C8orf34: variants seen among roughly 807,000 people sequenced by gnomAD.
C8orf34 encodes uncharacterized protein C8orf34.
Under a neutral mutation model 68.3 loss-of-function variants are expected in C8orf34, and 65 were observed. The ratio of observed to expected loss-of-function variants is 0.95; its 90% confidence interval spans 0.78 to 1.17. The LOEUF (loss-of-function observed/expected upper bound fraction) is 1.17. Among genes scored for constraint, C8orf34 ranks in the 50% most tolerant of loss-of-function variants. The probability of loss-of-function intolerance (pLI) is 0.00; values close to 1 mark genes in which losing one functional copy is unlikely to be tolerated. For missense variants in C8orf34, 664 were observed against 655.4 expected (o/e 1.01, Z -0.14); for synonymous variants, 244 against 241.2 (o/e 1.01, Z -0.11).
chr8:68,750,891 G>A (rs1822685873), intron 10 of C8orf34, among the ~76,000 whole-genome samples: 1 of 152,034 alleles, frequency 6.6e-6, no homozygotes, highest in African/African-American at 2.4e-5. Context: ...TTTAAGACTA[G>A]GAAACACAAG....
chr8:68,599,260 T>C (rs1420011065), intron 7 of C8orf34, among the ~76,000 whole-genome samples: 2 of 152,092 alleles, frequency 1.3e-5, no homozygotes, highest in African/African-American at 4.8e-5. Flanking sequence ...ATCATGCTTA[T>C]GAATTTGATA....
At chr8:68,423,319 T>C (rs956738123) in intron 1 of C8orf34, among the ~76,000 whole-genome samples, 2 of 152,152 alleles carry the variant, frequency 1.3e-5, no homozygotes, top group South Asian at 4.1e-4. Flanking sequence ...AGTTCAGAGT[T>C]CCACAGACCT....
intron 7 of C8orf34, among the ~76,000 whole-genome samples, chr8:68,575,550 A>G (rs1816877329): frequency 6.6e-6 from 1 of 152,124 alleles, no homozygotes; most frequent in Non-Finnish European, 1.5e-5. Context: ...CTTGATTTTC[A>G]TCTTCTAAAA....
chr8:68,398,948 T>C (rs1808834812), intron 1 of C8orf34, among the ~76,000 whole-genome samples: 1 of 151,966 alleles, frequency 6.6e-6, no homozygotes, highest in African/African-American at 2.4e-5. Flanking sequence ...TCTCAGAGGG[T>C]CTCCTTCTTG....
chr8:68,397,020 T>C (rs937682665), intron 1 of C8orf34, among the ~76,000 whole-genome samples: 27 of 152,264 alleles, frequency 1.8e-4, no homozygotes, highest in Admixed American at 1.6e-3. Context: ...ATTTTCTTTT[T>C]TTTTGAGGTA....
At position 68,589,066 on chromosome 8, in the gene C8orf34, A is replaced by T. The variant is rs75868646; in HGVS notation, c.1106-51310A>T. Among the ~76,000 whole-genome samples the T allele has an allele frequency of 3.1e-4, 47 of 152,292 alleles. 1 individual carries two copies. The East Asian group carries it at 9.1e-3, about 29-fold the overall frequency. On this transcript the variant is annotated intron_variant, in intron 7 of 13. Transcript: ENST00000518698. The stretch of plus-strand genomic sequence containing the variant: ...ATTTGCTCACCCTTGGACTAGGCTA[A>T]TTCCCAAGGCTATGAACAGCAAACG...
chr8:68,550,254 C>G lies in C8orf34; in HGVS notation c.1105+17105C>G, dbSNP rs139856581. ...CTCCCTTCTTAGTATATCTGTCATACTTCTTACTTTTTTTAGTGGTTGCTA... is the reference window on the plus strand; with the variant it reads ...CTCCCTTCTTAGTATATCTGTCATAGTTCTTACTTTTTTTAGTGGTTGCTA... On this transcript the variant is annotated intron_variant, in intron 7 of 13. Coordinates refer to ENST00000518698, the MANE Select transcript of C8orf34 (RefSeq NM_052958.4). Among the ~76,000 whole-genome samples, 1,389 of 151,664 alleles carry G rather than the reference C, an allele frequency of 9.2e-3. 28 individuals are homozygous for G. The highest frequency in any genetic ancestry group is 0.033 in the African/African-American group (1,348 of 41,444).
At chr8:68,755,155 C>T (rs1422411738) in intron 10 of C8orf34, among the ~76,000 whole-genome samples, 4 of 152,084 alleles carry the variant, frequency 2.6e-5, no homozygotes, top group African/African-American at 9.7e-5. Context: ...TTGTACTAAG[C>T]ATGTATAAGA....
rs139845866 is a variant in C8orf34 at position 68,459,220 on chromosome 8, T to C, written c.608-9472T>C. On this transcript the variant is annotated intron_variant, in intron 3 of 13. Coordinates refer to ENST00000518698, the MANE Select transcript of C8orf34 (RefSeq NM_052958.4). Reference sequence around the variant, plus strand: ...AGAGAAAAGGGAACTCAGGGAACTCTTTCATTTTCTTTTTTTCTTTTTTTT... The same window carrying C: ...AGAGAAAAGGGAACTCAGGGAACTCCTTCATTTTCTTTTTTTCTTTTTTTT... Among the ~76,000 whole-genome samples, 9 of 152,198 alleles carry C rather than the reference T, an allele frequency of 5.9e-5. No individual in the cohort carries two copies. In the East Asian group the frequency reaches 1.7e-3, roughly 29 times the overall value.
At chr8:68,803,208 T>C (rs1453673990) in intron 12 of C8orf34, among the ~76,000 whole-genome samples, 1 of 152,070 alleles carries the variant, frequency 6.6e-6, no homozygotes, top group African/African-American at 2.4e-5. Flanking sequence ...GAAAAACTTT[T>C]TGCCAAATAA....
chr8:68,815,799 A>G, intron 12 of C8orf34, 87 bp from the exon 13 acceptor site: 4 of 1,607,462 alleles, frequency 2.5e-6, no homozygotes, highest in Non-Finnish European at 3.4e-6. Flanking sequence ...AATCTTCACT[A>G]GAAATTGGCT....
intron 7 of C8orf34, among the ~76,000 whole-genome samples, chr8:68,544,407 C>T (rs1468786893): frequency 6.6e-6 from 1 of 152,102 alleles, no homozygotes; most frequent in Non-Finnish European, 1.5e-5. Context: ...ATGAGGAAAG[C>T]GTTTAAATAG....
At chr8:68,603,540 T>A (rs1395558442) in intron 7 of C8orf34, among the ~76,000 whole-genome samples, 1 of 88,046 alleles carries the variant, frequency 1.1e-5, no homozygotes. Context: ...TATCTATCTA[T>A]CTATCTATCT....
chr8:68,552,793 TG>T (rs1467979395), intron 7 of C8orf34, among the ~76,000 whole-genome samples: 1 of 152,102 alleles, frequency 6.6e-6, no homozygotes, highest in African/African-American at 2.4e-5. Context: ...GTTGGATTTT[TG>T]TCAAAATTTT....
intron 7 of C8orf34, among the ~76,000 whole-genome samples, chr8:68,553,341 A>C (rs7463763): frequency 0.59 from 85,554 of 145,630 alleles, 25,818 homozygotes; most frequent in African/African-American, 0.77. Flanking sequence ...GCTGAGATGG[A>C]GCCACTGCAC....
intron 8 of C8orf34, among the ~76,000 whole-genome samples, chr8:68,659,778 G>C (rs191580968): frequency 6.6e-6 from 1 of 152,062 alleles, no homozygotes; most frequent in African/African-American, 2.4e-5. Context: ...GAACATTTCA[G>C]CTCTTCATGA....
At position 68,617,653 on chromosome 8, in the gene C8orf34, C is replaced by T. The variant is rs541114776; in HGVS notation, c.1106-22723C>T. On this transcript the variant is annotated intron_variant, in intron 7 of 13. Transcript: ENST00000518698. Reference sequence around the variant, plus strand: ...CTTGTAGAGTTTCTGCTGAGAGATCCGCTGTTAGTCTGATGGGCTTCCCTT... The same window carrying T: ...CTTGTAGAGTTTCTGCTGAGAGATCTGCTGTTAGTCTGATGGGCTTCCCTT... 1.1e-3 allele frequency among the ~76,000 whole-genome samples: 168 copies of T among 152,294 alleles called. 1 individual carries two copies. Among genetic ancestry groups the T allele is most frequent in the Middle Eastern group, 6.8e-3 (2 of 294 alleles).
intron 8 of C8orf34, among the ~76,000 whole-genome samples, chr8:68,662,852 C>T (rs1233024163): frequency 6.6e-6 from 1 of 152,168 alleles, no homozygotes; most frequent in Non-Finnish European, 1.5e-5. Flanking sequence ...TCAAAGCACT[C>T]ATCATGTCAA....
At chr8:68,531,622 G>C (rs7010609) in intron 6 of C8orf34, among the ~76,000 whole-genome samples, 16,523 of 152,054 alleles carry the variant, frequency 0.11, 1,360 homozygotes, top group African/African-American at 0.22. Context: ...CTTGGTTAAG[G>C]TGATGTCCAC....
Sources: gnomAD v4.1 joint callset for allele counts (sites outside exome capture counted in the v4.1 genomes callset) on GRCh38, gnomAD v4.1.1 for gene constraint, MANE v1.5 for transcripts, NCBI Gene and HGNC (gene_info 2026-07-23, HGNC 2026-07-21) for gene names.